The following GRIK4 variants were observed in gnomAD, a reference collection of about 807,000 sequenced individuals.
GRIK4 encodes the protein glutamate receptor ionotropic, kainate 4.
GRIK4 carries 40 observed loss-of-function variants against 104.9 expected under a neutral mutation model. The observed-to-expected ratio is 0.38, with a 90% CI of 0.30 to 0.50. The LOEUF is 0.50. GRIK4 is among the 20% of genes least tolerant of loss of function. GRIK4 has a pLI of 0.93. For synonymous variants in GRIK4, 485 were observed against 524.9 expected, an observed-to-expected ratio of 0.92 and a Z score of 1.04; for missense variants, 1,047 against 1,308.1, an observed-to-expected ratio of 0.80 and a Z score of 3.08.
Position 120,986,107 on chromosome 11 carries a change from G to C in GRIK4, c.2718G>C (p.Ala906=). 6.6e-7 allele frequency: 1 copy of C among 1,513,596 alleles called. No individual in the cohort carries two copies. 93.8% of individuals were successfully genotyped at this position (1,513,596 alleles called of 1,614,324 possible). A position where few individuals can be genotyped will look rare whatever the true frequency, so the allele number is the denominator to read the frequency against. ...CCGACCAGCTCGCGCAGAGACTGGCGCAGGAGGCCGCCCTGGTGGCCCGCG... is the reference window on the plus strand; with the variant it reads ...CCGACCAGCTCGCGCAGAGACTGGCCCAGGAGGCCGCCCTGGTGGCCCGCG... ...GEPDQLAQRL[A]QEAALVARGC... is the part of the protein sequence containing the mutation. The change falls in exon 21 of 21, where the codon GCG becomes GCC. Residue 906 remains alanine (A), a synonymous_variant. Transcript: ENST00000527524.
intron 3 of GRIK4, among the ~76,000 whole-genome samples, chr11:120,759,118 ATTTATTTT>A: frequency 6.6e-6 from 1 of 152,254 alleles, no homozygotes; most frequent in African/African-American, 2.4e-5. Flanking sequence ...TGACACTGCT[ATTTATTTT>A]GAAGCTTGAT....
chr11:120,727,658 C>T (rs1327523696), intron 3 of GRIK4, among the ~76,000 whole-genome samples: 2 of 151,674 alleles, frequency 1.3e-5, no homozygotes, highest in Non-Finnish European at 2.9e-5. Flanking sequence ...TCACGATGAG[C>T]TCAAAAGCAT....
chr11:120,703,270 A>G (rs1341335414), intron 3 of GRIK4, among the ~76,000 whole-genome samples: 1 of 152,164 alleles, frequency 6.6e-6, no homozygotes. Context: ...GGTCATATTT[A>G]CACTAGATTT....
chr11:120,751,282 G>A (rs1012835640), intron 3 of GRIK4, among the ~76,000 whole-genome samples: 3 of 152,084 alleles, frequency 2.0e-5, no homozygotes, highest in African/African-American at 7.2e-5. Flanking sequence ...GCAGAGGGCA[G>A]AGGAAGAGGC....
At chr11:120,670,776 T>C (rs1384826340) in intron 3 of GRIK4, among the ~76,000 whole-genome samples, 1 of 152,178 alleles carries the variant, frequency 6.6e-6, no homozygotes, top group Non-Finnish European at 1.5e-5. Flanking sequence ...TACATAGATA[T>C]ACATGTGCCA....
intron 3 of GRIK4, among the ~76,000 whole-genome samples, chr11:120,755,536 A>T (rs1295121789): frequency 6.6e-6 from 1 of 152,004 alleles, no homozygotes; most frequent in Non-Finnish European, 1.5e-5. Flanking sequence ...TGAGCCTGGG[A>T]GGCTGAGGCT....
At chr11:120,780,892 C>G (rs1306405353) in intron 3 of GRIK4, among the ~76,000 whole-genome samples, 1 of 152,246 alleles carries the variant, frequency 6.6e-6, no homozygotes, top group Middle Eastern at 3.4e-3. Flanking sequence ...CAGGCGCCTG[C>G]CACCACGCCT....
intron 3 of GRIK4, among the ~76,000 whole-genome samples, chr11:120,703,791 T>C (rs1271886354): frequency 1.3e-5 from 2 of 152,238 alleles, no homozygotes; most frequent in African/African-American, 2.4e-5. Context: ...TGCTGCTTTC[T>C]GAATCTCTTT....
rs1017283601 is a variant in GRIK4, at chr11:120,940,806, C to T, written c.1590+346C>T. 4.6e-5 allele frequency among the ~76,000 whole-genome samples: 7 copies of T among 152,214 alleles called. No individual in the cohort carries two copies. The highest frequency in any genetic ancestry group is 5.9e-5 in the Non-Finnish European group (4 of 68,048). On this transcript the variant is annotated intron_variant, in intron 14 of 20. Transcript: ENST00000527524. This position sits in a 1 kb window ranked among gnomAD's most constrained non-coding sequence, Gnocchi z 4.3. The stretch of plus-strand genomic sequence containing the variant: ...ATAAGTCACCCTAGCATTTCTCAAG[C>T]ACGTTGCCAACTTCCAAGTCTGTGT...
At chr11:120,708,388 C>T (rs1425289354) in intron 3 of GRIK4, among the ~76,000 whole-genome samples, 1 of 152,126 alleles carries the variant, frequency 6.6e-6, no homozygotes, top group African/African-American at 2.4e-5. Flanking sequence ...CCTCCCACCT[C>T]TAGCTCAGCT....
chr11:120,529,611 G>C (rs1947901893), intron 1 of GRIK4, among the ~76,000 whole-genome samples: 1 of 152,222 alleles, frequency 6.6e-6, no homozygotes, highest in South Asian at 2.1e-4. Context: ...GGGGAAGTGG[G>C]AAAAGTGCTG....
chr11:120,899,587 T>A (rs1263250781), intron 12 of GRIK4, among the ~76,000 whole-genome samples: 1 of 152,200 alleles, frequency 6.6e-6, no homozygotes, highest in Non-Finnish European at 1.5e-5. Flanking sequence ...GACTCAGCTC[T>A]GTTCTCTATC....
rs1565408914 is a variant in GRIK4 at position 120,875,219 on chromosome 11, G to C, written c.1140G>C (p.Gln380His). The C allele has an allele frequency of 5.0e-6, 8 of 1,612,414 alleles. No homozygotes were observed. Among genetic ancestry groups the C allele is most frequent in the Non-Finnish European group, 6.8e-6 (8 of 1,178,420 alleles). The change falls in exon 11 of 21, where the codon CAG becomes CAC. Residue 380 changes from glutamine to histidine, a missense_variant. This residue lies in a region of GRIK4 where 447 missense variants were observed against 514.9 expected (regional missense o/e 0.87). Transcript: ENST00000527524. The part of the protein sequence containing the change: ...QRSNYALKIL[Q>H]FTRNGFRQIG... ...CCAACTACGCTTTGAAAATCTTACA[G>C]TTCACAAGGAATGGTTTTCGGCAGG... is the stretch of plus-strand genomic sequence containing the variant.
intron 3 of GRIK4, among the ~76,000 whole-genome samples, chr11:120,706,912 G>A (rs952269026): frequency 6.6e-6 from 1 of 152,164 alleles, no homozygotes; most frequent in African/African-American, 2.4e-5. Flanking sequence ...TGAACGGACT[G>A]ACAGTGCTGA....
intron 13 of GRIK4, among the ~76,000 whole-genome samples, chr11:120,925,747 G>A (rs774988141): frequency 6.6e-6 from 1 of 152,056 alleles, no homozygotes; most frequent in Non-Finnish European, 1.5e-5. Context: ...TGAGGCGGGT[G>A]ATCACCTGAG....
chr11:120,857,893 A>G (rs1033055295), intron 8 of GRIK4, among the ~76,000 whole-genome samples: 3 of 152,210 alleles, frequency 2.0e-5, no homozygotes, highest in South Asian at 2.1e-4. Context: ...TGAACAAACA[A>G]TGCAACATGG....
intron 3 of GRIK4, among the ~76,000 whole-genome samples, chr11:120,720,033 A>G (rs1164423873): frequency 6.6e-6 from 1 of 152,212 alleles, no homozygotes; most frequent in Non-Finnish European, 1.5e-5. Flanking sequence ...TTCATTTGTA[A>G]AAATTCAAGC....
rs577654844 is a variant in GRIK4 at position 120,949,543 on chromosome 11, C to CT, written c.1591-3311dup. 1.3e-3 allele frequency among the ~76,000 whole-genome samples: 198 copies of CT among 152,166 alleles called. 1 individual carries two copies. Among genetic ancestry groups the CT allele is most frequent in the Admixed American group, 4.3e-3 (66 of 15,288 alleles). ...GACGTGTATAAATCAATACAAATGCCTATAAATACAGCAGAGTCACAATAA... is the reference window on the plus strand; with the variant it reads ...GACGTGTATAAATCAATACAAATGCCTTATAAATACAGCAGAGTCACAATAA... On this transcript the variant is annotated intron_variant, in intron 14 of 20. Transcript: ENST00000527524.
At chr11:120,531,400 A>C (rs1947922234) in intron 1 of GRIK4, among the ~76,000 whole-genome samples, 1 of 152,114 alleles carries the variant, frequency 6.6e-6, no homozygotes, top group Non-Finnish European at 1.5e-5. Flanking sequence ...TGCCCAAATA[A>C]TCATTTAGAC....
Sources: gnomAD v4.1 joint callset for allele counts (sites outside exome capture counted in the v4.1 genomes callset) on GRCh38, gnomAD v4.1.1 for gene constraint, gnomAD v4.1.1 regional missense constraint, Gnocchi (gnomAD v3.1) non-coding constraint, MANE v1.5 for transcripts, NCBI Gene and HGNC (gene_info 2026-07-23, HGNC 2026-07-21) for gene names.